ROBO2: variants seen among roughly 807,000 people sequenced by gnomAD.
The protein encoded by ROBO2 is roundabout guidance receptor 2.
In ROBO2, 53 loss-of-function variants were observed where a neutral mutation model predicts 160.8. That is an observed-to-expected ratio of 0.33 (90% CI 0.26 to 0.41). The LOEUF is 0.41. Ranked by LOEUF, ROBO2 falls within the 10% of genes least tolerant of loss-of-function variation. ROBO2 has a pLI of 1.00. For synonymous variants in ROBO2, 664 were observed against 611.7 expected, an observed-to-expected ratio of 1.09 and a Z score of -1.26; for missense variants, 1,577 against 1,722.4, an observed-to-expected ratio of 0.92 and a Z score of 1.49.
At chr3:76,174,712 A>G (rs1277150965) in intron 2 of ROBO2, among the ~76,000 whole-genome samples, 1 of 151,964 alleles carries the variant, frequency 6.6e-6, no homozygotes, top group Non-Finnish European at 1.5e-5. Context: ...GTTCTGTTCC[A>G]TTGGTCTATA....
intron 2 of ROBO2, among the ~76,000 whole-genome samples, chr3:76,584,798 T>C (rs2085929556): frequency 6.6e-6 from 1 of 152,150 alleles, no homozygotes; most frequent in African/African-American, 2.4e-5. Flanking sequence ...ATATGCTCTG[T>C]GTATAGGAAC....
At chr3:75,951,719 C>T (rs575149961) in intron 2 of ROBO2, among the ~76,000 whole-genome samples, 36 of 152,018 alleles carry the variant, frequency 2.4e-4, no homozygotes, top group African/African-American at 8.2e-4. Context: ...ATTGAAGGGG[C>T]ATTATTCACT....
At chr3:77,047,823 C>T (rs1341490150) in intron 1 of ROBO2, among the ~76,000 whole-genome samples, 1 of 151,340 alleles carries the variant, frequency 6.6e-6, no homozygotes, top group Non-Finnish European at 1.5e-5. Flanking sequence ...GCAGGTGGAT[C>T]ACGAGGTCAG....
chr3:76,873,171 C>G (rs1490736374), intron 2 of ROBO2, among the ~76,000 whole-genome samples: 1 of 152,094 alleles, frequency 6.6e-6, no homozygotes, highest in East Asian at 1.9e-4. Context: ...ATAAATGTCA[C>G]ATTACAATGG....
chr3:77,505,008 T>C (rs960522045), intron 5 of ROBO2, among the ~76,000 whole-genome samples: 5 of 152,210 alleles, frequency 3.3e-5, no homozygotes, highest in African/African-American at 1.2e-4. Flanking sequence ...CAATTAGTGA[T>C]TCGGTTTGCC....
At chr3:77,355,562 G>A (rs904492137) in intron 2 of ROBO2, among the ~76,000 whole-genome samples, 64 of 152,244 alleles carry the variant, frequency 4.2e-4, no homozygotes, top group African/African-American at 1.5e-3. Context: ...CAGGAAATAT[G>A]GTGAAGGCTT....
intron 2 of ROBO2, among the ~76,000 whole-genome samples, chr3:76,633,595 C>A (rs1360316710): frequency 6.6e-6 from 1 of 152,144 alleles, no homozygotes. Flanking sequence ...AAATAGTGAC[C>A]TGGGAACATG....
At chr3:76,061,547 G>T (rs567544466) in intron 2 of ROBO2, among the ~76,000 whole-genome samples, 9 of 152,230 alleles carry the variant, frequency 5.9e-5, no homozygotes, top group African/African-American at 2.2e-4. Context: ...GTAGAGACGT[G>T]TTCTGTTGAA....
intron 2 of ROBO2, among the ~76,000 whole-genome samples, chr3:76,137,932 C>A (rs1172889907): frequency 6.6e-6 from 1 of 151,826 alleles, no homozygotes; most frequent in Non-Finnish European, 1.5e-5. Context: ...ATAATCTTCC[C>A]ATCTCAAGTC....
chr3:77,209,541 G>T (rs914699305), intron 2 of ROBO2, among the ~76,000 whole-genome samples: 9 of 152,234 alleles, frequency 5.9e-5, no homozygotes, highest in African/African-American at 9.6e-5. Flanking sequence ...TTCTTCCCTG[G>T]TTGGTCATTT....
At chr3:76,467,772 G>A (rs776903823) in intron 2 of ROBO2, among the ~76,000 whole-genome samples, 76 of 152,034 alleles carry the variant, frequency 5.0e-4, no homozygotes, top group African/African-American at 1.2e-4. Context: ...ATTCCAACTC[G>A]TAGTGGATAG....
chr3:75,993,175 T>C (rs1478725965), intron 2 of ROBO2, among the ~76,000 whole-genome samples: 2 of 151,868 alleles, frequency 1.3e-5, no homozygotes, highest in African/African-American at 4.8e-5. Flanking sequence ...TTTGGGAGGG[T>C]CCAGGGGCCG....
At position 77,262,621 on chromosome 3, in the gene ROBO2, G is replaced by A. The variant is rs573069501; in HGVS notation, c.388+164281G>A. ...TAGAGAGTGAGCTTACAACTCTTGC[G>A]CATGAGTGCACACACACACTCGCAC... On this transcript the variant is annotated intron_variant, in intron 2 of 25. Transcript: ENST00000461745. 2.9e-4 allele frequency among the ~76,000 whole-genome samples: 44 copies of A among 152,026 alleles called. 1 individual carries two copies. The highest frequency in any genetic ancestry group is 2.3e-3 in the Admixed American group (35 of 15,232).
intron 2 of ROBO2, among the ~76,000 whole-genome samples, chr3:76,932,908 C>T (rs1029092599): frequency 6.6e-6 from 1 of 151,874 alleles, no homozygotes; most frequent in Non-Finnish European, 1.5e-5. Context: ...CGCCCCGGCC[C>T]CGAGAAGTCT....
At chr3:77,408,937 T>C (rs571376925) in intron 2 of ROBO2, among the ~76,000 whole-genome samples, 1 of 152,064 alleles carries the variant, frequency 6.6e-6, no homozygotes, top group South Asian at 2.1e-4. Context: ...CCTTGCTTTG[T>C]TGCCCAGGCT....
chr3:76,292,812 C>T (rs776986222), intron 2 of ROBO2, among the ~76,000 whole-genome samples: 2 of 152,098 alleles, frequency 1.3e-5, no homozygotes, highest in Admixed American at 6.6e-5. Context: ...GTTTTCATTT[C>T]AATTCATATC....
At chr3:77,375,500 C>A (rs2072506472) in intron 2 of ROBO2, among the ~76,000 whole-genome samples, 1 of 152,176 alleles carries the variant, frequency 6.6e-6, no homozygotes, top group Non-Finnish European at 1.5e-5. Flanking sequence ...TCTCTTTACA[C>A]ATGACGATTT....
At chr3:77,473,308 A>G (rs1337567251) in intron 2 of ROBO2, among the ~76,000 whole-genome samples, 2 of 151,850 alleles carry the variant, frequency 1.3e-5, no homozygotes, top group African/African-American at 4.8e-5. Flanking sequence ...TAAGAAGAAG[A>G]AGAAGATGGA....
intron 2 of ROBO2, among the ~76,000 whole-genome samples, chr3:76,844,307 A>C (rs1577001981): frequency 6.6e-6 from 1 of 152,150 alleles, no homozygotes; most frequent in East Asian, 1.9e-4. Context: ...TTACCAAGCA[A>C]TCTTAACATA....
Sources: allele counts gnomAD v4.1 joint callset (sites outside exome capture counted in the v4.1 genomes callset), GRCh38; gene constraint gnomAD v4.1.1; transcripts MANE v1.5; gene names NCBI Gene and HGNC (gene_info 2026-07-23, HGNC 2026-07-21).